Variants in PDZD2 observed in about 807,000 individuals in gnomAD.
The protein encoded by PDZD2 is PDZ domain-containing protein 2.
Under a neutral mutation model 220.7 loss-of-function variants are expected in PDZD2, and 90 were observed. The observed-to-expected ratio is 0.41, with a 90% confidence interval of 0.34 to 0.49. PDZD2 has a LOEUF of 0.49. Ranked by LOEUF, PDZD2 falls within the 20% of genes least tolerant of loss-of-function variation. PDZD2 has a pLI of 0.28. For synonymous variants in PDZD2, 1,375 were observed against 1,450.5 expected (o/e 0.95, Z 1.18); for missense variants, 3,174 against 3,608.5 (o/e 0.88, Z 3.08).
At chr5:31,704,442 A>G (rs1036216712) in intron 1 of PDZD2, among the ~76,000 whole-genome samples, 28 of 152,250 alleles carry the variant, frequency 1.8e-4, no homozygotes, top group Admixed American at 1.6e-3. Context: ...CACAACAAAC[A>G]GCACACTGTG....
rs776271275 is a variant in PDZD2, at chr5:31,865,621, C to CTTT, written c.476+65925_476+65927dup. On this transcript the variant is annotated intron_variant, in intron 2 of 24. Transcript: ENST00000438447. ...GCCTGTAATCTGTGTCTACTGGCAA[C>CTTT]TTTTTTTTTTTTTTTTTTTTTTTTT... 8.8e-4 allele frequency among the ~76,000 whole-genome samples: 60 copies of CTTT among 67,798 alleles called. 6 individuals carry two copies. The highest frequency in any genetic ancestry group is 2.6e-3 in the African/African-American group (32 of 12,260). The allele number at this position is 67,798 out of a possible 152,430, so 44.5% of individuals were successfully genotyped here. A position where few individuals can be genotyped will look rare whatever the true frequency, so the allele number is the denominator to read the frequency against.
intron 2 of PDZD2, among the ~76,000 whole-genome samples, chr5:31,844,329 G>A (rs79011988): frequency 0.033 from 4,952 of 152,248 alleles, 265 homozygotes; most frequent in African/African-American, 0.11. Context: ...GGGACTTCAA[G>A]TCAGCTATAA....
At chr5:31,690,429 T>A (rs139929047) in intron 1 of PDZD2, among the ~76,000 whole-genome samples, 13 of 152,212 alleles carry the variant, frequency 8.5e-5, no homozygotes, top group Non-Finnish European at 1.0e-4. Flanking sequence ...GGAGCTGCAA[T>A]GACAAATTTC....
intron 6 of PDZD2, among the ~76,000 whole-genome samples, chr5:32,030,508 T>A (rs998755322): frequency 6.6e-6 from 1 of 152,270 alleles, no homozygotes; most frequent in African/African-American, 2.4e-5. Context: ...GAGTTTCCTT[T>A]TTACCTGCTG....
chr5:32,034,554 T>G (rs989591802), intron 6 of PDZD2, among the ~76,000 whole-genome samples: 50 of 151,904 alleles, frequency 3.3e-4, no homozygotes, highest in African/African-American at 1.2e-3. Context: ...AGAAGTGGGG[T>G]TTCACCATGT....
chr5:31,949,917 T>C (rs1317447260), intron 2 of PDZD2, among the ~76,000 whole-genome samples: 1 of 151,728 alleles, frequency 6.6e-6, no homozygotes, highest in Admixed American at 6.6e-5. Flanking sequence ...CTCCTGACCT[T>C]GTGATCCTCC....
intron 2 of PDZD2, among the ~76,000 whole-genome samples, chr5:31,908,101 AAAAAAAAG>A (rs1328880233): frequency 3.4e-5 from 5 of 148,620 alleles, no homozygotes; most frequent in African/African-American, 1.2e-4. Context: ...AAAAAAAAAA[AAAAAAAAG>A]AAAGAAAAGG....
chr5:31,814,147 A>G (rs1026755536), intron 2 of PDZD2, among the ~76,000 whole-genome samples: 8 of 152,352 alleles, frequency 5.3e-5, no homozygotes, highest in South Asian at 4.1e-4. Flanking sequence ...TCACAATTCA[A>G]TGCCTTTGTT....
Position 31,735,478 on chromosome 5 carries a change from C to T in PDZD2, c.-360-63411C>T, listed in dbSNP as rs193282447. 1.1e-3 allele frequency among the ~76,000 whole-genome samples: 160 copies of T among 152,304 alleles called. 1 individual carries two copies. Among genetic ancestry groups the T allele is most frequent in the African/African-American group, 3.5e-3 (147 of 41,566 alleles). On this transcript the variant is annotated intron_variant, in intron 1 of 24. Coordinates refer to ENST00000438447, the MANE Select transcript of PDZD2 (RefSeq NM_178140.4). ...CAAGAAGAGCCCAATAATGACCTTC[C>T]ATGACCCATTTGTAAACTCTGTATT... is the stretch of plus-strand genomic sequence containing the variant.
intron 2 of PDZD2, among the ~76,000 whole-genome samples, chr5:31,899,886 C>T (rs1204574579): frequency 9.2e-5 from 14 of 152,206 alleles, no homozygotes; most frequent in Admixed American, 3.3e-4. Context: ...TGACACTCAA[C>T]CCGCCGGGGC....
chr5:32,010,220 ATGTAGTCTTTGGT>A, intron 5 of PDZD2, 97 bp from the exon 6 acceptor site: 1 of 715,578 alleles, frequency 1.4e-6, no homozygotes, highest in East Asian at 2.5e-5. Flanking sequence ...CATTTACTCC[ATGTAGTCTTTGGT>A]TTGGGAGCAT....
chr5:31,983,085 C>T (rs571822140), intron 2 of PDZD2, 70 bp from the exon 3 acceptor site: 208 of 1,503,274 alleles, frequency 1.4e-4, no homozygotes, highest in Middle Eastern at 1.1e-3. Flanking sequence ...GACCCTTGAA[C>T]GCGTCTGTCT....
chr5:31,765,214 G>C (rs1751928981), intron 1 of PDZD2, among the ~76,000 whole-genome samples: 1 of 152,142 alleles, frequency 6.6e-6, no homozygotes, highest in African/African-American at 2.4e-5. Context: ...CCACATCAGA[G>C]GACCACTGGC....
intron 1 of PDZD2, among the ~76,000 whole-genome samples, chr5:31,687,745 C>T (rs1490356518): frequency 1.3e-5 from 2 of 152,212 alleles, no homozygotes; most frequent in Non-Finnish European, 2.9e-5. Flanking sequence ...AGGGCCTTCT[C>T]GGTTTGCCAC....
In PDZD2 at chr5:32,077,476, G is replaced by A. The variant is rs1561522099; in HGVS notation, c.3552G>A (p.Lys1184=). 1 of 1,613,942 alleles carries A rather than the reference G, an allele frequency of 6.2e-7. No individual in the cohort carries two copies. The highest frequency in any genetic ancestry group is 8.5e-7 in the Non-Finnish European group (1 of 1,180,026). ...GGAVEKESLG[K]LTTGDACVST... is the part of the protein sequence containing the mutation. The stretch of plus-strand genomic sequence containing the variant: ...CATTGTGCCAGGAATCTCTGGGAAA[G>A]CTGACCACTGGAGATGCTTGTGTCT... The change falls in exon 19 of 25, where the codon AAG becomes AAA. Residue 1184 remains lysine, a synonymous_variant. Coordinates refer to ENST00000438447, the MANE Select transcript of PDZD2 (RefSeq NM_178140.4).
intron 5 of PDZD2, among the ~76,000 whole-genome samples, chr5:32,003,345 A>AC (rs1467337789): frequency 0.33 from 13,090 of 39,254 alleles, 2,082 homozygotes; most frequent in Non-Finnish European, 0.38. Flanking sequence ...CACACCACAC[A>AC]CACACCACAC....
intron 1 of PDZD2, among the ~76,000 whole-genome samples, chr5:31,733,827 A>C (rs1355957275): frequency 6.6e-6 from 1 of 152,218 alleles, no homozygotes; most frequent in Non-Finnish European, 1.5e-5. Flanking sequence ...AACACAGAAC[A>C]CTTCTGTAAC....
At chr5:31,945,605 C>T (rs1645897863) in intron 2 of PDZD2, among the ~76,000 whole-genome samples, 1 of 152,036 alleles carries the variant, frequency 6.6e-6, no homozygotes, top group African/African-American at 2.4e-5. Context: ...TACTAGATTC[C>T]CTTGAGAAAC....
chr5:32,008,109 G>A (rs1011726407), intron 5 of PDZD2, among the ~76,000 whole-genome samples: 1 of 150,836 alleles, frequency 6.6e-6, no homozygotes, highest in Non-Finnish European at 1.5e-5. Flanking sequence ...GGTCAACATA[G>A]CGAGACCCCA....
Sources: gnomAD v4.1 joint callset for allele counts (sites outside exome capture counted in the v4.1 genomes callset) on GRCh38, gnomAD v4.1.1 for gene constraint, MANE v1.5 for transcripts, NCBI Gene and HGNC (gene_info 2026-07-23, HGNC 2026-07-21) for gene names.